The following CCNY variants were observed in gnomAD, a reference collection of about 807,000 sequenced individuals.
CCNY encodes the protein cyclin-Y.
CCNY carries 19 observed loss-of-function variants against 42.8 expected under a neutral mutation model. The observed-to-expected ratio is 0.44, with a 90% CI of 0.31 to 0.65. CCNY has a LOEUF of 0.65. CCNY is among the 30% of genes least tolerant of loss of function. The probability of loss-of-function intolerance (pLI) is 0.07; values close to 1 mark genes in which losing one functional copy is unlikely to be tolerated. For missense variants in CCNY, 370 were observed against 437.3 expected, an observed-to-expected ratio of 0.85 and a Z score of 1.37; for synonymous variants, 165 against 162.7, an observed-to-expected ratio of 1.01 and a Z score of -0.11.
At chr10:35,454,307 A>T (rs1838982893) in intron 1 of CCNY, among the ~76,000 whole-genome samples, 1 of 152,230 alleles carries the variant, frequency 6.6e-6, no homozygotes, top group African/African-American at 2.4e-5. Flanking sequence ...GTCCTGGAAG[A>T]CGCAAAGGCA....
At chr10:35,255,584 C>T (rs1361865046) in intron 3 of CCNY, among the ~76,000 whole-genome samples, 3 of 151,974 alleles carry the variant, frequency 2.0e-5, no homozygotes, top group Non-Finnish European at 4.4e-5. Context: ...AGGCATGAGC[C>T]ACCACACCCA....
intron 3 of CCNY, among the ~76,000 whole-genome samples, chr10:35,317,341 T>C (rs1835772667): frequency 6.6e-6 from 1 of 151,944 alleles, no homozygotes; most frequent in African/African-American, 2.4e-5. Context: ...ATTCCAGGAG[T>C]TGAGGGCACA....
At chr10:35,393,092 G>C (rs969310452) in intron 1 of CCNY, among the ~76,000 whole-genome samples, 1 of 152,094 alleles carries the variant, frequency 6.6e-6, no homozygotes, top group East Asian at 1.9e-4. Context: ...CAGCTGCCCT[G>C]TGTTTTCTGA....
chr10:35,380,522 C>T (rs1222639770), intron 1 of CCNY, among the ~76,000 whole-genome samples: 1 of 152,188 alleles, frequency 6.6e-6, no homozygotes, highest in Non-Finnish European at 1.5e-5. Context: ...CAAAACTATA[C>T]AGAATTAAAG....
At chr10:35,547,438 C>T (rs980663001) in intron 7 of CCNY, among the ~76,000 whole-genome samples, 1 of 152,106 alleles carries the variant, frequency 6.6e-6, no homozygotes, top group African/African-American at 2.4e-5. Context: ...TTCATGACTT[C>T]CTGGGCCTTA....
intron 2 of CCNY, among the ~76,000 whole-genome samples, chr10:35,499,692 C>A (rs1840072649): frequency 6.6e-6 from 1 of 152,090 alleles, no homozygotes; most frequent in African/African-American, 2.4e-5. Context: ...GGTGGTGGTT[C>A]CCACAGTTGG....
At chr10:35,329,750 G>A (rs897825033) in intron 3 of CCNY, among the ~76,000 whole-genome samples, 2 of 152,172 alleles carry the variant, frequency 1.3e-5, no homozygotes, top group Non-Finnish European at 2.9e-5. Flanking sequence ...CAGACACAGA[G>A]GGAGTTGTGA....
At chr10:35,492,025 A>G (rs543074607) in intron 2 of CCNY, among the ~76,000 whole-genome samples, 1 of 151,986 alleles carries the variant, frequency 6.6e-6, no homozygotes, top group Admixed American at 6.5e-5. Flanking sequence ...AATTTCTCCC[A>G]TCCTCCCCTT....
intron 3 of CCNY, among the ~76,000 whole-genome samples, chr10:35,286,870 G>C (rs967619763): frequency 1.3e-5 from 2 of 150,396 alleles, no homozygotes; most frequent in African/African-American, 2.5e-5. Context: ...ATGTCGGCCA[G>C]GCTGGTCTCG....
At chr10:35,537,958 G>T (rs1011438038) in intron 7 of CCNY, among the ~76,000 whole-genome samples, 4 of 152,152 alleles carry the variant, frequency 2.6e-5, no homozygotes, top group Admixed American at 6.5e-5. Flanking sequence ...ATTTTGAATT[G>T]TATCTCCCAT....
At chr10:35,384,165 C>A (rs989333899) in intron 1 of CCNY, among the ~76,000 whole-genome samples, 6 of 151,968 alleles carry the variant, frequency 3.9e-5, no homozygotes, top group African/African-American at 1.5e-4. Context: ...AGGTCGCAAT[C>A]AGTTTAGAAG....
intron 1 of CCNY, among the ~76,000 whole-genome samples, chr10:35,348,374 G>T (rs1417525819): frequency 6.6e-6 from 1 of 152,194 alleles, no homozygotes; most frequent in Non-Finnish European, 1.5e-5. Flanking sequence ...ACCACGGAGG[G>T]GTCCATCTGA....
chr10:35,449,767 G>T (rs1838875408), intron 1 of CCNY: 1 of 985,228 alleles, frequency 1.0e-6, no homozygotes, highest in Non-Finnish European at 1.2e-6. Context: ...AGGCAAGAAG[G>T]CTGCAGTGCT....
At chr10:35,299,917 T>A (rs973461154) in intron 3 of CCNY, among the ~76,000 whole-genome samples, 3 of 152,224 alleles carry the variant, frequency 2.0e-5, no homozygotes, top group African/African-American at 4.8e-5. Context: ...ACTCCTTTTT[T>A]AAAAACAATT....
chr10:35,494,595 AC>A (rs1418378609), intron 2 of CCNY, among the ~76,000 whole-genome samples: 1 of 152,120 alleles, frequency 6.6e-6, no homozygotes, highest in Non-Finnish European at 1.5e-5. Context: ...AAAAATGAAA[AC>A]TCATGTCCAA....
intron 1 of CCNY, among the ~76,000 whole-genome samples, chr10:35,452,047 T>A (rs116018626): frequency 1.3e-5 from 2 of 152,242 alleles, no homozygotes; most frequent in Non-Finnish European, 2.9e-5. Context: ...AAGGTCAGAC[T>A]AATATTTTGT....
chr10:35,477,083 C>T (rs1196064941), intron 1 of CCNY, among the ~76,000 whole-genome samples: 2 of 152,164 alleles, frequency 1.3e-5, no homozygotes, highest in East Asian at 3.9e-4. Flanking sequence ...CAAGACTAAA[C>T]CAGGAAGAAG....
At chr10:35,382,093 G>A (rs1472194929) in intron 1 of CCNY, among the ~76,000 whole-genome samples, 1 of 152,184 alleles carries the variant, frequency 6.6e-6, no homozygotes, top group Non-Finnish European at 1.5e-5. Context: ...GGTGTCTAAT[G>A]TGTTAGATAT....
intron 1 of CCNY, among the ~76,000 whole-genome samples, chr10:35,349,140 C>T (rs1445570513): frequency 6.6e-6 from 1 of 152,168 alleles, no homozygotes; most frequent in African/African-American, 2.4e-5. Context: ...GTTTTGGTAT[C>T]TGCAGGGGTC....
Sources: allele counts gnomAD v4.1 joint callset (sites outside exome capture counted in the v4.1 genomes callset), GRCh38; gene constraint gnomAD v4.1.1; transcripts MANE v1.5; gene names NCBI Gene and HGNC (gene_info 2026-07-23, HGNC 2026-07-21).